Variants in NCAPH observed in about 807,000 individuals in gnomAD.
NCAPH encodes non-SMC condensin I complex subunit H.
A neutral mutation model predicts 85.5 loss-of-function variants in NCAPH; 38 were observed. That is an observed-to-expected ratio of 0.44 (90% CI 0.34 to 0.58). The LOEUF (loss-of-function observed/expected upper bound fraction) is 0.58. Among genes scored for constraint, NCAPH ranks in the 20% least tolerant of loss-of-function variants. NCAPH has a pLI of 0.01. For synonymous variants in NCAPH, 301 were observed against 335.1 expected (o/e 0.90, Z 1.11); for missense variants, 789 against 916.6 (o/e 0.86, Z 1.80).
chr2:96,356,387 T>C (rs2064525229), intron 9 of NCAPH, among the ~76,000 whole-genome samples: 1 of 152,206 alleles, frequency 6.6e-6, no homozygotes, highest in African/African-American at 2.4e-5. Flanking sequence ...ATCCATAAAA[T>C]GCAAGGTTGG....
chr2:96,340,685 C>T (rs1020149429), intron 1 of NCAPH, among the ~76,000 whole-genome samples: 14 of 151,944 alleles, frequency 9.2e-5, no homozygotes, highest in South Asian at 4.1e-4. Context: ...CCACCGTGCC[C>T]GGTAGCCCAG....
chr2:96,373,491 C>G lies in NCAPH; in HGVS notation c.*140C>G, dbSNP rs2064799912. 1 of 748,266 alleles carries G rather than the reference C, an allele frequency of 1.3e-6. No homozygotes were observed. Among genetic ancestry groups the G allele is most frequent in the Non-Finnish European group, 2.3e-6 (1 of 441,934 alleles). The allele number at this position is 748,266 out of a possible 1,614,324, so 46.4% of individuals were successfully genotyped here. A position where few individuals can be genotyped will look rare whatever the true frequency, so the allele number is the denominator to read the frequency against. ...CCAACGTGCCTGTTTGTTTGTTGCT[C>G]TTTCCTTCTCTCCATCATAGTCTGG... On this transcript the variant is annotated 3_prime_UTR_variant, in exon 18 of 18. Transcript: ENST00000240423.
At position 96,335,799 on chromosome 2, in the gene NCAPH, T is replaced by C; in HGVS notation, c.-31T>C. ...GCTCAGGCGTCTCGACGCGCGCGAT[T>C]TAAAACCAGCTCAGGAGACGCCAAG... is the stretch of plus-strand genomic sequence containing the variant. On this transcript the variant is annotated 5_prime_UTR_variant, in exon 1 of 18. Coordinates refer to ENST00000240423, the MANE Select transcript of NCAPH (RefSeq NM_015341.5). 6.8e-7 allele frequency: 1 copy of C among 1,479,512 alleles called. No individual in the cohort carries two copies. The highest frequency in any genetic ancestry group is 8.9e-7 in the Non-Finnish European group (1 of 1,117,590). The allele number at this position is 1,479,512 out of a possible 1,614,324, so 91.6% of individuals were successfully genotyped here.
At position 96,373,607 on chromosome 2, in the gene NCAPH, G is replaced by A. The variant is rs1573102929; in HGVS notation, c.*256G>A. 1 of 376,222 alleles carries A rather than the reference G, an allele frequency of 2.7e-6. No homozygotes were observed. Among genetic ancestry groups the A allele is most frequent in the Non-Finnish European group, 4.8e-6 (1 of 208,252 alleles). 23.3% of individuals were successfully genotyped at this position (376,222 alleles called of 1,614,324 possible). ...GAGAGGGGAGGGCAGAGGGGGTGAG[G>A]GTACTATTCTGGATTGAGAAAACCT... On this transcript the variant is annotated 3_prime_UTR_variant, in exon 18 of 18. Coordinates refer to ENST00000240423, the MANE Select transcript of NCAPH (RefSeq NM_015341.5).
At chr2:96,358,768 A>T (rs748341668) in intron 9 of NCAPH, among the ~76,000 whole-genome samples, 3 of 152,172 alleles carry the variant, frequency 2.0e-5, no homozygotes, top group Non-Finnish European at 4.4e-5. Flanking sequence ...GCGCCCAGCC[A>T]AAAGAATTCT....
intron 3 of NCAPH, 125 bp downstream of exon 3, chr2:96,342,265 T>A: frequency 1.1e-6 from 1 of 950,400 alleles, no homozygotes; most frequent in Non-Finnish European, 1.6e-6. Flanking sequence ...ATCTTAGTGC[T>A]GGTGGTTTTA....
intron 16 of NCAPH, among the ~76,000 whole-genome samples, 180 bp from the exon 17 acceptor site, chr2:96,369,245 A>C (rs934774656): frequency 6.6e-6 from 1 of 152,234 alleles, no homozygotes. Context: ...CAGTGATCAG[A>C]GTGTAACAGG....
At chr2:96,335,972 T>C in intron 1 of NCAPH, 124 bp downstream of exon 1, 1 of 727,312 alleles carries the variant, frequency 1.4e-6, no homozygotes, top group Non-Finnish European at 1.8e-6. Flanking sequence ...GTCTTGGCCC[T>C]GCGGCTGACA....
chr2:96,342,360 TTAA>T (rs1231753917), intron 3 of NCAPH, among the ~76,000 whole-genome samples: 10 of 151,972 alleles, frequency 6.6e-5, no homozygotes, highest in African/African-American at 1.9e-4. Flanking sequence ...GGCGCATGAG[TTAA>T]TAGTAGAGTT....
chr2:96,367,375 T>C lies in NCAPH; in HGVS notation c.1998+2T>C. ...TCCGGAAAGGAGGCAGATGCAGAGG[T>C]CAGATGCTCTTGCCTGTTCTCTAGG... On this transcript the variant is annotated splice_donor_variant, in intron 15 of 17. Transcript: ENST00000240423. LOFTEE classifies it high-confidence loss of function. 6.2e-7 allele frequency: 1 copy of C among 1,606,228 alleles called. No homozygotes were observed. Among genetic ancestry groups the C allele is most frequent in the Non-Finnish European group, 8.5e-7 (1 of 1,173,212 alleles).
intron 6 of NCAPH, among the ~76,000 whole-genome samples, chr2:96,345,630 A>C (rs2064352477): frequency 6.6e-6 from 1 of 152,202 alleles, no homozygotes; most frequent in African/African-American, 2.4e-5. Flanking sequence ...CAGACCCTGC[A>C]TCACAGCCAA....
At position 96,359,168 on chromosome 2, in the gene NCAPH, C is replaced by T. The variant is rs1379978948; in HGVS notation, c.1332C>T (p.His444=). The T allele has an allele frequency of 6.2e-7, 1 of 1,614,216 alleles. No individual in the cohort carries two copies. The highest frequency in any genetic ancestry group is 8.5e-7 in the Non-Finnish European group (1 of 1,180,024). The change falls in exon 10 of 18, where the codon CAC becomes CAT. Residue 444 remains histidine, a synonymous_variant. Coordinates refer to ENST00000240423, the MANE Select transcript of NCAPH (RefSeq NM_015341.5). The part of the protein sequence containing the change: ...RTMSMWAGPD[H]WRFRPRRKQD... Reference sequence around the variant, plus strand: ...TGTCGATGTGGGCTGGCCCGGATCACTGGCGCTTTAGGCCTCGACGCAAAC... The same window carrying T: ...TGTCGATGTGGGCTGGCCCGGATCATTGGCGCTTTAGGCCTCGACGCAAAC...
chr2:96,341,238 G>A (rs866537175), intron 1 of NCAPH, among the ~76,000 whole-genome samples: 1 of 152,126 alleles, frequency 6.6e-6, no homozygotes, highest in East Asian at 1.9e-4. Context: ...TTAGAGCCCA[G>A]CCTGTCTAAC....
intron 5 of NCAPH, 83 bp from the exon 6 acceptor site, chr2:96,344,022 A>G (rs1192930169): frequency 6.6e-7 from 1 of 1,516,812 alleles, no homozygotes; most frequent in African/African-American, 1.4e-5. Context: ...AAATTACGAC[A>G]GGTTTTGAAG....
chr2:96,350,437 T>G (rs992603092), intron 6 of NCAPH, among the ~76,000 whole-genome samples: 2 of 152,148 alleles, frequency 1.3e-5, no homozygotes, highest in Non-Finnish European at 2.9e-5. Flanking sequence ...AAACCATTAC[T>G]CTGGATAGCA....
intron 6 of NCAPH, among the ~76,000 whole-genome samples, chr2:96,351,245 G>A (rs1257002462): frequency 6.6e-6 from 1 of 152,204 alleles, no homozygotes; most frequent in East Asian, 1.9e-4. Flanking sequence ...TACACGTCCA[G>A]ATGTATTATA....
rs1307906863 is a variant in NCAPH at position 96,375,950 on chromosome 2, G to T, written c.*2599G>T. On this transcript the variant is annotated 3_prime_UTR_variant, in exon 18 of 18. Coordinates refer to ENST00000240423, the MANE Select transcript of NCAPH (RefSeq NM_015341.5). ...CACAAAGGTCCCCACCAGCAAGAAGGCTCCCACCAGATATGGACTCAACCT... is the reference window on the plus strand; with the variant it reads ...CACAAAGGTCCCCACCAGCAAGAAGTCTCCCACCAGATATGGACTCAACCT... 1.3e-5 allele frequency among the ~76,000 whole-genome samples: 2 copies of T among 152,048 alleles called. No individual in the cohort carries two copies. The highest frequency in any genetic ancestry group is 2.1e-4 in the South Asian group (1 of 4,804).
chr2:96,353,438 G>T (rs2064475793), intron 8 of NCAPH, 41 bp downstream of exon 8: 1 of 1,561,726 alleles, frequency 6.4e-7, no homozygotes, highest in East Asian at 2.2e-5. Context: ...CAGTTAGTTG[G>T]CTCAAGAGTG....
At position 96,335,822 on chromosome 2, in the gene NCAPH, A is replaced by G; in HGVS notation, c.-8A>G. 6.7e-7 allele frequency: 1 copy of G among 1,497,154 alleles called. No homozygotes were observed. The highest frequency in any genetic ancestry group is 8.9e-7 in the Non-Finnish European group (1 of 1,126,318). The allele number at this position is 1,497,154 out of a possible 1,614,324, so 92.7% of individuals were successfully genotyped here. ...ATTTAAAACCAGCTCAGGAGACGCC[A>G]AGGAAAGATGGGACCTCCCGGCCCA... On this transcript the variant is annotated 5_prime_UTR_variant, in exon 1 of 18. Transcript: ENST00000240423.
Sources: allele counts gnomAD v4.1 joint callset (sites outside exome capture counted in the v4.1 genomes callset), GRCh38; gene constraint gnomAD v4.1.1; transcripts MANE v1.5; gene names NCBI Gene and HGNC (gene_info 2026-07-23, HGNC 2026-07-21).